The following BCOR variants were observed in gnomAD, a reference collection of about 807,000 sequenced individuals.
The protein encoded by BCOR is BCL-6 corepressor.
A neutral mutation model predicts 86.7 loss-of-function variants in BCOR; 10 were observed. That is an observed-to-expected ratio of 0.12 (90% CI 0.07 to 0.20). The LOEUF (loss-of-function observed/expected upper bound fraction) is 0.20, where lower values mean the gene tolerates loss of function less well. BCOR is among the 10% of genes least tolerant of loss of function. BCOR has a pLI of 1.00. For missense variants in BCOR, 1,259 were observed against 1,452.1 expected (o/e 0.87, Z 2.16); for synonymous variants, 611 against 609.0 (o/e 1.00, Z -0.05).
chrX:40,176,029 G>C (rs1938742299), intron 1 of BCOR, among the ~76,000 whole-genome samples: 1 of 112,719 alleles, frequency 8.9e-6, no homozygotes, highest in Admixed American at 9.3e-5. Flanking sequence ...AAAGACAGGC[G>C]TCTTCAAGGG....
chrX:40,117,951 TCG>T (rs1937420477), intron 1 of BCOR, among the ~76,000 whole-genome samples: 1 of 98,233 alleles, frequency 1.0e-5, no homozygotes, highest in Non-Finnish European at 1.9e-5. Context: ...TATACTATGC[TCG>T]CACTCTTTCT....
chrX:40,122,478 C>T (rs932186580), intron 1 of BCOR, among the ~76,000 whole-genome samples: 2 of 112,186 alleles, frequency 1.8e-5, no homozygotes, highest in Middle Eastern at 4.2e-3. Flanking sequence ...GATCTGTTAA[C>T]GCACAGTAAG....
At chrX:40,162,663 C>G (rs1938444068) in intron 1 of BCOR, among the ~76,000 whole-genome samples, 1 of 111,592 alleles carries the variant, frequency 9.0e-6, no homozygotes, top group South Asian at 3.8e-4. Flanking sequence ...GTACACATGC[C>G]TTTTGGATTT....
At chrX:40,056,801 T>C (rs956488146) in intron 11 of BCOR, among the ~76,000 whole-genome samples, 2 of 111,574 alleles carry the variant, frequency 1.8e-5, no homozygotes. Context: ...ACTCTGTGTG[T>C]ACTCCTGGGA....
rs145369811 is a variant in BCOR, at chrX:40,149,382, G to A, written c.-41+27625C>T. On this transcript the variant is annotated intron_variant, in intron 1 of 14. Transcript: ENST00000342274. ...AATAGCTGGGGACCCCTGGGGAGGC[G>A]GCACAGTGCGATCCTGCTTCGGGAA... is the stretch of plus-strand genomic sequence containing the variant. Among the ~76,000 whole-genome samples the A allele has an allele frequency of 2.6e-3, 291 of 111,244 alleles. 2 individuals carry two copies. Among genetic ancestry groups the A allele is most frequent in the African/African-American group, 8.0e-3 (246 of 30,600 alleles).
rs201054222 is a variant in BCOR, at chrX:40,072,539, G to T, written c.2807C>A (p.Thr936Asn). 1.0e-4 allele frequency: 125 copies of T among 1,210,282 alleles called. No homozygotes were observed. The highest frequency in any genetic ancestry group is 1.2e-5 in the Non-Finnish European group (11 of 895,261). ...VGSAPPSVDVTPTYTKDGADE... is the reference protein window; with the variant it reads ...VGSAPPSVDVNPTYTKDGADE... ...AGCTCCATCTTTGGTATAGGTGGGG[G>T]TCACATCCACACTTGGTGGGGCACT... Residue 936 changes from threonine to asparagine, a missense_variant, in exon 4 of 15, where the codon ACC (threonine) becomes AAC (asparagine). Around this residue, in one of 7 missense-constraint regions of BCOR, gnomAD observed 534 missense variants for 594.8 expected, o/e 0.90. Transcript: ENST00000378444.
Position 40,072,943 on chromosome X carries a change from G to A in BCOR, c.2403C>T (p.Asp801=), listed in dbSNP as rs1387308686. The A allele has an allele frequency of 5.0e-6, 6 of 1,209,857 alleles. No individual in the cohort carries two copies. Among genetic ancestry groups the A allele is most frequent in the African/African-American group, 3.5e-5 (2 of 57,091 alleles). The part of the protein sequence containing the change: ...WNQGKTVVKS[D]KLVYVDLLRE... ...GGAGAAGGTCTACGTAGACAAGCTT[G>A]TCGCTTTTGACAACAGTCTTCCCTT... The change falls in exon 4 of 15, where the codon GAC becomes GAT. Residue 801 remains aspartate, a synonymous_variant. Coordinates refer to ENST00000378444, the MANE Select transcript of BCOR (RefSeq NM_001123385.2).
At chrX:40,061,120 C>T (rs1445372225) in intron 10 of BCOR, among the ~76,000 whole-genome samples, 1 of 112,815 alleles carries the variant, frequency 8.9e-6, no homozygotes, top group African/African-American at 3.2e-5. Context: ...CCACACTTCA[C>T]ACTCAGCCTG....
chrX:40,161,185 T>C (rs1419596873), intron 1 of BCOR, among the ~76,000 whole-genome samples: 1 of 105,469 alleles, frequency 9.5e-6, no homozygotes, highest in Non-Finnish European at 1.9e-5. Context: ...TTTTTGTTTT[T>C]TTGTTTTTTG....
intron 1 of BCOR, among the ~76,000 whole-genome samples, chrX:40,151,518 C>A (rs1318682754): frequency 1.8e-5 from 2 of 112,604 alleles, no homozygotes; most frequent in Non-Finnish European, 3.8e-5. Flanking sequence ...TCCGATAAGG[C>A]TTTACCTCCC....
chrX:40,098,358 C>T (rs1215639589), upstream of BCOR, among the ~76,000 whole-genome samples: 10 of 109,481 alleles, frequency 9.1e-5, no homozygotes, highest in African/African-American at 3.3e-4. Context: ...CTCCCCAGCT[C>T]GGGCCGAGTT....
rs142817421 is a variant in BCOR, at chrX:40,086,774, G to A, written c.-40-8805C>T. 7.7e-3 allele frequency among the ~76,000 whole-genome samples: 876 copies of A among 113,600 alleles called. 5 individuals are homozygous for A. Among genetic ancestry groups the A allele is most frequent in the Middle Eastern group, 0.018 (4 of 219 alleles). On this transcript the variant is annotated intron_variant, in intron 1 of 14. Coordinates refer to ENST00000378444, the MANE Select transcript of BCOR (RefSeq NM_001123385.2). ...CCCCCTTACCACATAGTTAAAGCCAGACTAACAATCCACAGTTAGAGATCA... is the reference window on the plus strand; with the variant it reads ...CCCCCTTACCACATAGTTAAAGCCAAACTAACAATCCACAGTTAGAGATCA...
In BCOR at chrX:40,109,683, C is replaced by T. The variant is rs540014100; in HGVS notation, c.-40-31714G>A. Reference sequence around the variant, plus strand: ...GTTCTACAGCCACCGAGCGGTTTTGCGGAGCTGCCCGAGGCCGCCGGGTCA... The same window carrying T: ...GTTCTACAGCCACCGAGCGGTTTTGTGGAGCTGCCCGAGGCCGCCGGGTCA... On this transcript the variant is annotated intron_variant, in intron 1 of 14. Transcript: ENST00000342274. 6.3e-3 allele frequency among the ~76,000 whole-genome samples: 711 copies of T among 112,471 alleles called. 5 individuals carry two copies. Among genetic ancestry groups the T allele is most frequent in the South Asian group, 0.02 (55 of 2,783 alleles).
rs376233115 is a variant in BCOR, at chrX:40,162,905, C to A, written c.-41+14102G>T. Among the ~76,000 whole-genome samples the A allele has an allele frequency of 2.7e-5, 3 of 111,721 alleles. No homozygotes were observed. In the East Asian group the frequency reaches 8.4e-4, roughly 31 times the overall value. On this transcript the variant is annotated intron_variant, in intron 1 of 14. Transcript: ENST00000342274. ...AAACCTCTAGCATGAAATTAGAAGTCAAACTCTCCATTCAGGGGTTAGAGA... is the reference window on the plus strand; with the variant it reads ...AAACCTCTAGCATGAAATTAGAAGTAAAACTCTCCATTCAGGGGTTAGAGA...
chrX:40,052,280 C>A lies in BCOR; in HGVS notation c.5097G>T (p.Arg1699=), dbSNP rs751012431. ...AGAACAAGAGACTTGCAGAAACCTG[C>A]CGATAAAATTCTGCCTCTGCAATGG... is the stretch of plus-strand genomic sequence containing the variant. The part of the protein sequence containing the change: ...IVTIAEAEFY[R]QVSASLLFSC... Residue 1699 remains arginine, a synonymous_variant, in exon 15 of 15, where the codon CGG becomes CGT. Coordinates refer to ENST00000378444, the MANE Select transcript of BCOR (RefSeq NM_001123385.2). 1.7e-6 allele frequency: 2 copies of A among 1,212,017 alleles called. No homozygotes were observed. Among genetic ancestry groups the A allele is most frequent in the Non-Finnish European group, 1.1e-6 (1 of 895,537 alleles).
At chrX:40,130,262 CT>C (rs1227394617) in intron 1 of BCOR, among the ~76,000 whole-genome samples, 1 of 111,583 alleles carries the variant, frequency 9.0e-6, no homozygotes. Context: ...AGTTACTCTC[CT>C]TTTACAGGTG....
chrX:40,120,839 C>T (rs1282633109), intron 1 of BCOR, among the ~76,000 whole-genome samples: 8 of 111,950 alleles, frequency 7.1e-5, no homozygotes, highest in Non-Finnish European at 1.3e-4. Context: ...AAAGTGGGAG[C>T]AGGAAAGAAG....
chrX:40,077,602 T>G (rs1472061440), intron 2 of BCOR: 6 of 419,640 alleles, frequency 1.4e-5, no homozygotes, highest in Non-Finnish European at 2.5e-5. Context: ...TTCATAAATA[T>G]GAAATAATAA....
At chrX:40,117,948 T>C (rs1937420335) in intron 1 of BCOR, among the ~76,000 whole-genome samples, 1 of 102,693 alleles carries the variant, frequency 9.7e-6, no homozygotes, top group Non-Finnish European at 1.9e-5. Context: ...AAGTATACTA[T>C]GCTCGCACTC....
Sources: allele counts gnomAD v4.1 joint callset (sites outside exome capture counted in the v4.1 genomes callset), GRCh38; gene constraint gnomAD v4.1.1; regional missense constraint gnomAD v4.1.1; transcripts MANE v1.5; gene names NCBI Gene and HGNC (gene_info 2026-07-23, HGNC 2026-07-21).